SCLT1: variants seen among roughly 807,000 people sequenced by gnomAD.
The protein encoded by SCLT1 is sodium channel-associated protein 1.
SCLT1 carries 78 observed loss-of-function variants against 112.8 expected under a neutral mutation model. The observed-to-expected ratio is 0.69, with a 90% CI of 0.58 to 0.83. SCLT1 has a LOEUF of 0.83. SCLT1 is among the 40% of genes least tolerant of loss of function. The pLI, the probability that SCLT1 is intolerant of heterozygous loss-of-function variation, is 0.00. For synonymous variants in SCLT1, 257 were observed against 254.7 expected, an observed-to-expected ratio of 1.01 and a Z score of -0.09; for missense variants, 747 against 770.4, an observed-to-expected ratio of 0.97 and a Z score of 0.36.
At position 129,043,469 on chromosome 4, in the gene SCLT1, T is replaced by TA. The variant is rs772892587; in HGVS notation, c.162-3dup. 24 of 1,414,992 alleles carry TA rather than the reference T, an allele frequency of 1.7e-5. No homozygotes were observed. Among genetic ancestry groups the TA allele is most frequent in the African/African-American group, 4.3e-5 (3 of 69,536 alleles). 87.7% of individuals were successfully genotyped at this position (1,414,992 alleles called of 1,614,324 possible). ...TCAGTAACAAGAGGAGCTAAAAAGC[T>TA]AAAAAAAGACAATAAAAATATAGCA... On this transcript the variant is annotated splice_region_variant and splice_polypyrimidine_tract_variant and intron_variant, in intron 3 of 20. Transcript: ENST00000281142.
intron 5 of SCLT1, among the ~76,000 whole-genome samples, chr4:129,033,964 C>T (rs895798960): frequency 2.0e-5 from 3 of 152,166 alleles, no homozygotes; most frequent in Non-Finnish European, 2.9e-5. Context: ...AGGATTCTGG[C>T]GGGCTTTGGG....
At position 129,040,230 on chromosome 4, in the gene SCLT1, C is replaced by G. The variant is rs768123174; in HGVS notation, c.235-1134G>C. The G allele has an allele frequency of 7.1e-6, 5 of 702,382 alleles. No individual in the cohort carries two copies. In the African/African-American group the frequency reaches 8.7e-5, roughly 12 times the overall value. The allele number at this position is 702,382 out of a possible 1,614,324, so 43.5% of individuals were successfully genotyped here. ...CGTTATGCCTGAAACACAATTAAAC[C>G]AACATGGATTAATTCACTACCAGAT... is the stretch of plus-strand genomic sequence containing the variant. On this transcript the variant is annotated intron_variant, in intron 4 of 20. Transcript: ENST00000281142.
chr4:128,977,283 GT>G (rs1394961181), intron 9 of SCLT1, among the ~76,000 whole-genome samples: 3 of 152,156 alleles, frequency 2.0e-5, no homozygotes, highest in African/African-American at 7.2e-5. Context: ...TGGCTCATCA[GT>G]TTTTTGTTTG....
In SCLT1 at chr4:129,054,468, A is replaced by C. The variant is rs139028444; in HGVS notation, c.103-10417T>G. 1.8e-3 allele frequency among the ~76,000 whole-genome samples: 275 copies of C among 151,960 alleles called. 1 individual carries two copies. Among genetic ancestry groups the C allele is most frequent in the African/African-American group, 6.3e-3 (263 of 41,462 alleles). On this transcript the variant is annotated intron_variant, in intron 2 of 20. Coordinates refer to ENST00000281142, the MANE Select transcript of SCLT1 (RefSeq NM_144643.4). ...CCTTGCTTTTCATTCTGTTTTCTCTAATCTTGTCTCTATGCCTTATTTCAG... is the reference window on the plus strand; with the variant it reads ...CCTTGCTTTTCATTCTGTTTTCTCTCATCTTGTCTCTATGCCTTATTTCAG...
At chr4:129,089,330 T>A (rs1394624981) in intron 1 of SCLT1, among the ~76,000 whole-genome samples, 2 of 152,202 alleles carry the variant, frequency 1.3e-5, no homozygotes, top group Non-Finnish European at 2.9e-5. Flanking sequence ...CCAGTTAGAA[T>A]GGCAATCATC....
chr4:129,090,514 G>A (rs1348019328), intron 1 of SCLT1, among the ~76,000 whole-genome samples: 1 of 152,078 alleles, frequency 6.6e-6, no homozygotes, highest in East Asian at 1.9e-4. Context: ...AGAAAATATA[G>A]AAGAAATCTT....
At chr4:129,043,909 TA>T in intron 3 of SCLT1, 83 bp downstream of exon 3, 1 of 746,136 alleles carries the variant, frequency 1.3e-6, no homozygotes, top group South Asian at 1.7e-5. Context: ...CAGCAGACCA[TA>T]AAACAAACAT....
intron 6 of SCLT1, among the ~76,000 whole-genome samples, chr4:129,002,515 T>A (rs1239754970): frequency 6.6e-6 from 1 of 151,872 alleles, no homozygotes; most frequent in East Asian, 1.9e-4. Flanking sequence ...TTTAGAGAAA[T>A]AATGGATTTT....
chr4:128,979,423 C>G (rs547501325), intron 9 of SCLT1, among the ~76,000 whole-genome samples: 1 of 152,240 alleles, frequency 6.6e-6, no homozygotes, highest in East Asian at 1.9e-4. Flanking sequence ...TTGTTTGTCC[C>G]TTTTACTTCG....
At chr4:129,082,426 T>C (rs1752025221) in intron 1 of SCLT1, 53 bp from the exon 2 acceptor site, 1 of 1,111,822 alleles carries the variant, frequency 9.0e-7, no homozygotes, top group Non-Finnish European at 1.3e-6. Flanking sequence ...GTCAATTCTT[T>C]AAAACTAGAA....
intron 18 of SCLT1, among the ~76,000 whole-genome samples, chr4:128,892,989 T>C (rs1733445995): frequency 6.6e-6 from 1 of 152,090 alleles, no homozygotes; most frequent in Admixed American, 6.5e-5. Flanking sequence ...AACTAAAGAA[T>C]GATAAACAAA....
intron 5 of SCLT1, among the ~76,000 whole-genome samples, chr4:129,023,095 C>T (rs1292401372): frequency 6.6e-6 from 1 of 152,136 alleles, no homozygotes; most frequent in East Asian, 1.9e-4. Context: ...CAAGCAAATG[C>T]TGAGGTATTT....
intron 18 of SCLT1, among the ~76,000 whole-genome samples, chr4:128,902,578 A>T (rs1229326932): frequency 6.6e-6 from 1 of 152,158 alleles, no homozygotes; most frequent in African/African-American, 2.4e-5. Flanking sequence ...TACTTGCCAT[A>T]AATGGAGCCT....
chr4:129,089,752 C>T (rs1752674897), intron 1 of SCLT1, among the ~76,000 whole-genome samples: 1 of 152,116 alleles, frequency 6.6e-6, no homozygotes. Context: ...TCTCAGCAAA[C>T]TATCACAAGA....
chr4:129,021,595 G>T (rs1465366455), intron 5 of SCLT1, among the ~76,000 whole-genome samples: 1 of 152,214 alleles, frequency 6.6e-6, no homozygotes, highest in East Asian at 1.9e-4. Flanking sequence ...TGGCAAAGTG[G>T]CTGTGGCCAG....
intron 2 of SCLT1, among the ~76,000 whole-genome samples, chr4:129,044,274 ATT>A (rs888670065): frequency 2.0e-4 from 31 of 152,164 alleles, no homozygotes; most frequent in Admixed American, 9.8e-4. Flanking sequence ...AAATTTGAGG[ATT>A]TTTTCTTAAT....
At chr4:128,985,484 T>C (rs1200531695) in intron 9 of SCLT1, among the ~76,000 whole-genome samples, 1 of 152,218 alleles carries the variant, frequency 6.6e-6, no homozygotes, top group East Asian at 1.9e-4. Flanking sequence ...CTGTAACTTT[T>C]GAAATGCTTA....
intron 5 of SCLT1, among the ~76,000 whole-genome samples, chr4:129,012,892 T>A (rs1706189902): frequency 6.6e-6 from 1 of 152,104 alleles, no homozygotes; most frequent in African/African-American, 2.4e-5. Context: ...TCCTTTTGAG[T>A]CCATGTTTGT....
chr4:129,087,404 T>G (rs184845482), intron 1 of SCLT1, among the ~76,000 whole-genome samples: 2 of 151,936 alleles, frequency 1.3e-5, no homozygotes, highest in African/African-American at 4.8e-5. Flanking sequence ...TACAGAAAGT[T>G]GAAGAGTACA....
Sources: gnomAD v4.1 joint callset for allele counts (sites outside exome capture counted in the v4.1 genomes callset) on GRCh38, gnomAD v4.1.1 for gene constraint, MANE v1.5 for transcripts, NCBI Gene and HGNC (gene_info 2026-07-23, HGNC 2026-07-21) for gene names.